The following WNT2 variants were observed in gnomAD, a reference collection of about 807,000 sequenced individuals.
The protein encoded by WNT2 is protein Wnt-2.
A neutral mutation model predicts 36.9 loss-of-function variants in WNT2; 12 were observed. The ratio of observed to expected loss-of-function variants is 0.33; its 90% CI spans 0.21 to 0.53. WNT2 has a LOEUF of 0.53. Ranked by LOEUF, WNT2 falls within the 20% of genes least tolerant of loss-of-function variation. The pLI, the probability that WNT2 is intolerant of heterozygous loss-of-function variation, is 0.95. For missense variants in WNT2, 379 were observed against 473.1 expected (o/e 0.80, Z 1.84); for synonymous variants, 163 against 174.6 (o/e 0.93, Z 0.52).
Position 117,315,137 on chromosome 7 carries a change from T to C in WNT2, c.522A>G (p.Ala174=). 6.2e-7 allele frequency: 1 copy of C among 1,614,236 alleles called. No homozygotes were observed. Among genetic ancestry groups the C allele is most frequent in the Non-Finnish European group, 8.5e-7 (1 of 1,180,032 alleles). ...GIKFARAFVD[A]KERKGKDARA... ...TGGCATCCTTTCCTTTCCTTTCCTTTGCATCCACAAATGCGCGGGCAAATT... is the reference window on the plus strand; with the variant it reads ...TGGCATCCTTTCCTTTCCTTTCCTTCGCATCCACAAATGCGCGGGCAAATT... Residue 174 remains alanine, a synonymous_variant, in exon 3 of 5, where the codon GCA becomes GCG. Transcript: ENST00000265441.
rs931247385 is a variant in WNT2 at position 117,306,796 on chromosome 7, T to A, written c.588+8275A>T. 4.6e-5 allele frequency among the ~76,000 whole-genome samples: 7 copies of A among 152,218 alleles called. No homozygotes were observed. The East Asian group carries it at 1.3e-3, about 29-fold the overall frequency. On this transcript the variant is annotated intron_variant, in intron 3 of 4. Coordinates refer to ENST00000265441, the MANE Select transcript of WNT2 (RefSeq NM_003391.3). The stretch of plus-strand genomic sequence containing the variant: ...TCAATAAATACTTGTTCATGTGACA[T>A]AGCTATGCTAAAAAAGTAGTTTTTT...
In WNT2 at chr7:117,277,994, C is replaced by T. The variant is rs1359281513; in HGVS notation, c.*161G>A. 4.1e-6 allele frequency: 3 copies of T among 727,028 alleles called. No homozygotes were observed. Among genetic ancestry groups the T allele is most frequent in the Non-Finnish European group, 6.8e-6 (3 of 443,240 alleles). 45.0% of individuals were successfully genotyped at this position (727,028 alleles called of 1,614,324 possible). On this transcript the variant is annotated 3_prime_UTR_variant, in exon 5 of 5. Coordinates refer to ENST00000265441, the MANE Select transcript of WNT2 (RefSeq NM_003391.3). Reference sequence around the variant, plus strand: ...AGGCTTTAGGTGCAGCGTGTGGCCCCCCCATCCTGGGGCCCCCAGGGAGGA... The same window carrying T: ...AGGCTTTAGGTGCAGCGTGTGGCCCTCCCATCCTGGGGCCCCCAGGGAGGA...
intron 2 of WNT2, among the ~76,000 whole-genome samples, chr7:117,319,521 T>G (rs561415918): frequency 1.6e-4 from 16 of 100,374 alleles, no homozygotes; most frequent in African/African-American, 6.7e-4. Context: ...TTCTTAGGAA[T>G]TGGGGGGGGG....
rs533103356 is a variant in WNT2, at chr7:117,276,323, A to C, written c.*1832T>G. On this transcript the variant is annotated 3_prime_UTR_variant, in exon 5 of 5. Coordinates refer to ENST00000265441, the MANE Select transcript of WNT2 (RefSeq NM_003391.3). The stretch of plus-strand genomic sequence containing the variant: ...GCACTCTCATGAAGGAATTCACACC[A>C]ACCTTCAGGGTAACTGAAGACTGAG... 2.0e-5 allele frequency among the ~76,000 whole-genome samples: 3 copies of C among 152,366 alleles called. No homozygotes were observed. In the South Asian group the frequency reaches 6.2e-4, roughly 32 times the overall value.
At chr7:117,317,067 C>A (rs1005398121) in intron 2 of WNT2, among the ~76,000 whole-genome samples, 4 of 152,090 alleles carry the variant, frequency 2.6e-5, no homozygotes, top group Admixed American at 2.6e-4. Flanking sequence ...TAGAAGCCGG[C>A]GCCCATGTTT....
At chr7:117,292,479 C>T (rs1331090267) in intron 4 of WNT2, among the ~76,000 whole-genome samples, 1 of 152,110 alleles carries the variant, frequency 6.6e-6, no homozygotes, top group Non-Finnish European at 1.5e-5. Flanking sequence ...AGCATATGTA[C>T]ATAAGGTGTG....
At chr7:117,287,299 C>T (rs1004233976) in intron 4 of WNT2, among the ~76,000 whole-genome samples, 16 of 152,024 alleles carry the variant, frequency 1.1e-4, no homozygotes, top group Non-Finnish European at 1.6e-4. Context: ...GAGCCAAGGT[C>T]GTGCCACTCT....
intron 3 of WNT2, among the ~76,000 whole-genome samples, chr7:117,302,546 C>T (rs1794928960): frequency 6.6e-6 from 1 of 152,182 alleles, no homozygotes; most frequent in Non-Finnish European, 1.5e-5. Flanking sequence ...ATGTACGTAT[C>T]CTTGACCTGG....
intron 4 of WNT2, among the ~76,000 whole-genome samples, chr7:117,285,184 A>G: frequency 6.6e-6 from 1 of 152,246 alleles, no homozygotes. Flanking sequence ...ACATAAAGTT[A>G]TGTAAGAAAC....
At chr7:117,299,772 A>G (rs781617471) in intron 3 of WNT2, among the ~76,000 whole-genome samples, 1 of 152,188 alleles carries the variant, frequency 6.6e-6, no homozygotes, top group African/African-American at 2.4e-5. Flanking sequence ...GTGAGGGATT[A>G]TAGGTGTGAG....
intron 4 of WNT2, among the ~76,000 whole-genome samples, chr7:117,290,821 G>A (rs746858032): frequency 7.9e-5 from 12 of 152,156 alleles, no homozygotes; most frequent in South Asian, 2.1e-4. Context: ...TCAATCCTGC[G>A]TTCCCAGTGA....
chr7:117,282,415 A>AAGG (rs1554457270), intron 4 of WNT2, among the ~76,000 whole-genome samples: 1,656 of 149,926 alleles, frequency 0.011, 35 homozygotes, highest in African/African-American at 0.038. Flanking sequence ...GGAGGAAGAC[A>AAGG]AGGAGGAGGA....
intron 4 of WNT2, among the ~76,000 whole-genome samples, chr7:117,292,293 T>TCACA (rs58179910): frequency 0.024 from 3,469 of 147,008 alleles, 126 homozygotes; most frequent in African/African-American, 0.076. Context: ...CCAACCACAC[T>TCACA]CACACACACA....
At chr7:117,300,048 G>A (rs546750126) in intron 3 of WNT2, among the ~76,000 whole-genome samples, 7 of 152,210 alleles carry the variant, frequency 4.6e-5, no homozygotes, top group South Asian at 4.2e-4. Context: ...AGTCTAAATC[G>A]CTAATAGTAA....
At chr7:117,291,161 G>A (rs1474134505) in intron 4 of WNT2, among the ~76,000 whole-genome samples, 4 of 152,330 alleles carry the variant, frequency 2.6e-5, no homozygotes, top group African/African-American at 2.4e-5. Flanking sequence ...TATGATTTAT[G>A]TGGGGGAAAA....
intron 4 of WNT2, among the ~76,000 whole-genome samples, chr7:117,288,157 C>T (rs553149669): frequency 2.0e-5 from 3 of 152,212 alleles, no homozygotes; most frequent in Non-Finnish European, 2.9e-5. Flanking sequence ...ATACCAAAAA[C>T]GTGGCACATT....
At chr7:117,305,361 C>A (rs1043058537) in intron 3 of WNT2, among the ~76,000 whole-genome samples, 1 of 151,976 alleles carries the variant, frequency 6.6e-6, no homozygotes, top group Non-Finnish European at 1.5e-5. Flanking sequence ...GTCACTTTTT[C>A]AAAGCTTCCG....
intron 3 of WNT2, among the ~76,000 whole-genome samples, chr7:117,308,174 G>C (rs1339666969): frequency 6.6e-6 from 1 of 152,130 alleles, no homozygotes; most frequent in Non-Finnish European, 1.5e-5. Flanking sequence ...ACACACTCTG[G>C]AACTAAGAAG....
chr7:117,318,068 T>G (rs1584697687), intron 2 of WNT2, among the ~76,000 whole-genome samples: 2 of 152,160 alleles, frequency 1.3e-5, no homozygotes, highest in African/African-American at 4.8e-5. Flanking sequence ...TTCTAAAAAT[T>G]GTACTGTCTT....
Sources: allele counts gnomAD v4.1 joint callset (sites outside exome capture counted in the v4.1 genomes callset), GRCh38; gene constraint gnomAD v4.1.1; transcripts MANE v1.5; gene names NCBI Gene and HGNC (gene_info 2026-07-23, HGNC 2026-07-21).